The following GADD45GIP1 variants were observed in gnomAD, a reference collection of about 807,000 sequenced individuals.
GADD45GIP1 encodes large ribosomal subunit protein mL64.
A neutral mutation model predicts 22.1 loss-of-function variants in GADD45GIP1; 17 were observed. That is an observed-to-expected ratio of 0.77 (90% CI 0.53 to 1.15). GADD45GIP1 has a LOEUF of 1.15. Ranked by LOEUF, GADD45GIP1 falls within the 50% of genes most tolerant of loss-of-function variation. The pLI, the probability that GADD45GIP1 is intolerant of heterozygous loss-of-function variation, is 0.00. For missense variants in GADD45GIP1, 294 were observed against 314.0 expected (o/e 0.94, Z 0.48); for synonymous variants, 135 against 138.4 (o/e 0.98, Z 0.17).
Position 12,954,075 on chromosome 19 carries a change from C to T in GADD45GIP1, c.*133G>A, listed in dbSNP as rs189060406. ...AGTCCCTGTCCCCTTTTGAGTACAG[C>T]CAAGTGGGGGATTCCCCAGCTCTTA... On this transcript the variant is annotated 3_prime_UTR_variant, in exon 2 of 2. Transcript: ENST00000316939. 1.1e-5 allele frequency: 9 copies of T among 802,624 alleles called. No individual in the cohort carries two copies. In the East Asian group the frequency reaches 2.2e-4, roughly 20 times the overall value. The allele number at this position is 802,624 out of a possible 1,614,324, so 49.7% of individuals were successfully genotyped here.
chr19:12,953,917 T>G lies in GADD45GIP1; in HGVS notation c.*291A>C. ...ACTTCCCCCCCCACCAGCCTTGTAA[T>G]TGGCTAATTACTGGAGATGAATGTT... On this transcript the variant is annotated 3_prime_UTR_variant, in exon 2 of 2. Transcript: ENST00000316939. The G allele has an allele frequency of 2.9e-6, 1 of 344,314 alleles. No homozygotes were observed. 21.3% of individuals were successfully genotyped at this position (344,314 alleles called of 1,614,324 possible).
Position 12,953,170 on chromosome 19 carries a change from TAAAAA to T in GADD45GIP1, c.*1033_*1037del. On this transcript the variant is annotated 3_prime_UTR_variant, in exon 2 of 2. Coordinates refer to ENST00000316939, the MANE Select transcript of GADD45GIP1 (RefSeq NM_052850.4). ...AAATGGAAAAAAAAATCAAAAATCT[TAAAAA>T]AACAAGCAAACAGTCCAGCTTCCTG... The T allele has an allele frequency of 1.4e-6, 1 of 725,444 alleles. No homozygotes were observed. 44.9% of individuals were successfully genotyped at this position (725,444 alleles called of 1,614,324 possible).
At chr19:12,956,235 C>T (rs767555951) in intron 1 of GADD45GIP1, among the ~76,000 whole-genome samples, 1 of 152,246 alleles carries the variant, frequency 6.6e-6, no homozygotes, top group African/African-American at 2.4e-5. Context: ...TGTCAGCTGT[C>T]GCCATCTGAT....
rs770111509 is a variant in GADD45GIP1 at position 12,954,527 on chromosome 19, CT to C, written c.351-2del. The C allele has an allele frequency of 7.8e-5, 126 of 1,605,642 alleles. No individual in the cohort carries two copies. Among genetic ancestry groups the C allele is most frequent in the Non-Finnish European group, 1.0e-4 (121 of 1,174,436 alleles). On this transcript the variant is annotated splice_acceptor_variant, in intron 1 of 1. Coordinates refer to ENST00000316939, the MANE Select transcript of GADD45GIP1 (RefSeq NM_052850.4). LOFTEE classifies it high-confidence loss of function. Reference sequence around the variant, plus strand: ...CATGCACTCTGCGATGTGCTGCTCCCTGCAGGGGAGGGAGAGTGGGCTGTGA... The same window carrying C: ...CATGCACTCTGCGATGTGCTGCTCCCGCAGGGGAGGGAGAGTGGGCTGTGA...
At chr19:12,956,300 C>T (rs997204922) in intron 1 of GADD45GIP1, among the ~76,000 whole-genome samples, 1 of 152,220 alleles carries the variant, frequency 6.6e-6, no homozygotes, top group African/African-American at 2.4e-5. Flanking sequence ...GGATTACAGG[C>T]ACGAGCCACC....
chr19:12,955,456 G>C (rs529774555), intron 1 of GADD45GIP1, among the ~76,000 whole-genome samples: 1 of 152,202 alleles, frequency 6.6e-6, no homozygotes, highest in African/African-American at 2.4e-5. Flanking sequence ...TAAAATTAGG[G>C]CAATCCCTTC....
rs1971896712 is a variant in GADD45GIP1, at chr19:12,954,400, C to A, written c.477G>T (p.Glu159Asp). The change falls in exon 2 of 2, where the codon GAG becomes GAT. Residue 159 changes from glutamate to aspartate, a missense_variant. Physicochemically the swap from Glu to Asp is conservative, Grantham distance 45. Transcript: ENST00000316939. ...DKERRARLQA[E>D]AQELLGYQVD... is the part of the protein sequence containing the mutation. ...CCTGGTAGCCCAGGAGCTCCTGGGC[C>A]TCAGCCTGCAGTCGGGCCCTCCTCT... The A allele has an allele frequency of 1.2e-6, 2 of 1,614,086 alleles. No individual in the cohort carries two copies. Among genetic ancestry groups the A allele is most frequent in the African/African-American group, 1.3e-5 (1 of 74,938 alleles).
chr19:12,955,245 T>A (rs1028324155), intron 1 of GADD45GIP1, among the ~76,000 whole-genome samples: 2 of 152,140 alleles, frequency 1.3e-5, no homozygotes, highest in African/African-American at 4.8e-5. Context: ...AGCCTCCAGC[T>A]CCCGTCGTGT....
Position 12,957,125 on chromosome 19 carries a change from G to C in GADD45GIP1, c.88C>G (p.Pro30Ala). 4.9e-6 allele frequency: 7 copies of C among 1,417,482 alleles called. 1 individual carries two copies. The highest frequency in any genetic ancestry group is 6.4e-6 in the Non-Finnish European group (7 of 1,098,870). The allele number at this position is 1,417,482 out of a possible 1,614,324, so 87.8% of individuals were successfully genotyped here. The change falls in exon 1 of 2, where the codon CCC (proline) becomes GCC (alanine). Residue 30 changes from proline to alanine, a missense_variant. By Grantham distance (27) the Pro-to-Ala change is conservative (BLOSUM62 -1). Coordinates refer to ENST00000316939, the MANE Select transcript of GADD45GIP1 (RefSeq NM_052850.4). Reference protein sequence around the residue: ...PGSRGYRARPPPRRRPGPRWP... With the variant: ...PGSRGYRARPAPRRRPGPRWP... Reference sequence around the variant, plus strand: ...CGGGGTCCCGGCCTGCGGCGCGGGGGCGGCCGCGCCCGGTAGCCACGGGAA... The same window carrying C: ...CGGGGTCCCGGCCTGCGGCGCGGGGCCGGCCGCGCCCGGTAGCCACGGGAA...
Position 12,954,140 on chromosome 19 carries a change from C to T in GADD45GIP1, c.*68G>A. ...AACCAGGGGACCCAGAGAGGCACAC[C>T]TTGAGAGGACGCAGATCTCTTCAGG... On this transcript the variant is annotated 3_prime_UTR_variant, in exon 2 of 2. Transcript: ENST00000316939. The T allele has an allele frequency of 1.4e-6, 2 of 1,385,342 alleles. No individual in the cohort carries two copies. Among genetic ancestry groups the T allele is most frequent in the Admixed American group, 2.1e-5 (1 of 48,598 alleles). The allele number at this position is 1,385,342 out of a possible 1,614,324, so 85.8% of individuals were successfully genotyped here.
In GADD45GIP1 at chr19:12,954,191, T is replaced by C; in HGVS notation, c.*17A>G. On this transcript the variant is annotated 3_prime_UTR_variant, in exon 2 of 2. Coordinates refer to ENST00000316939, the MANE Select transcript of GADD45GIP1 (RefSeq NM_052850.4). The stretch of plus-strand genomic sequence containing the variant: ...GGTACTGCCAGGTAGCAGGCTTTAT[T>C]GGGAAGGGACAAAGCCTCAGGAGCT... 3 of 1,603,516 alleles carry C rather than the reference T, an allele frequency of 1.9e-6. No homozygotes were observed. Among genetic ancestry groups the C allele is most frequent in the Non-Finnish European group, 2.6e-6 (3 of 1,174,082 alleles).
At position 12,954,289 on chromosome 19, in the gene GADD45GIP1, T is replaced by G; in HGVS notation, c.588A>C (p.Lys196Asn). 1 of 1,614,052 alleles carries G rather than the reference T, an allele frequency of 6.2e-7. No individual in the cohort carries two copies. The highest frequency in any genetic ancestry group is 8.5e-7 in the Non-Finnish European group (1 of 1,180,008). The stretch of plus-strand genomic sequence containing the variant: ...CAGCAGCTCGCGCCTCCTTCTTCCG[T>G]TTCTGTTTTTCCTCCTTGAGGCGCT... Reference protein sequence around the residue: ...ERKRLKEEKQKRKKEARAAAL... With the variant: ...ERKRLKEEKQNRKKEARAAAL... Residue 196 changes from lysine (K) to asparagine (N), a missense_variant, in exon 2 of 2, where the codon AAA (lysine) becomes AAC (asparagine). By Grantham distance (94) the Lys-to-Asn change is moderately conservative. Coordinates refer to ENST00000316939, the MANE Select transcript of GADD45GIP1 (RefSeq NM_052850.4).
chr19:12,956,791 T>G, intron 1 of GADD45GIP1, 72 bp downstream of exon 1: 1 of 1,393,864 alleles, frequency 7.2e-7, no homozygotes. Context: ...CCCGAAGGGG[T>G]AGGCACGGTT....
chr19:12,956,054 T>A (rs1239709302), intron 1 of GADD45GIP1, among the ~76,000 whole-genome samples: 1 of 152,184 alleles, frequency 6.6e-6, no homozygotes, highest in Non-Finnish European at 1.5e-5. Flanking sequence ...TACCAGAAAC[T>A]TTCTACCCAA....
Position 12,956,040 on chromosome 19 carries a change from C to T in GADD45GIP1, c.350+823G>A, listed in dbSNP as rs79479884. ...CTCAGGGCATTTGCCCCAGCTGTTC[C>T]CTTTACCAGAAACTTTCTACCCAAG... On this transcript the variant is annotated intron_variant, in intron 1 of 1. Transcript: ENST00000316939. 2.8e-3 allele frequency among the ~76,000 whole-genome samples: 424 copies of T among 152,304 alleles called. 7 individuals are homozygous for T. Among genetic ancestry groups the T allele is most frequent in the African/African-American group, 1.0e-2 (415 of 41,554 alleles).
chr19:12,955,357 G>A (rs1369005399), intron 1 of GADD45GIP1, among the ~76,000 whole-genome samples: 2 of 152,102 alleles, frequency 1.3e-5, no homozygotes, highest in African/African-American at 2.4e-5. Context: ...GCTGAGGAGG[G>A]GCAGAAACAG....
chr19:12,955,717 C>A (rs1471636704), intron 1 of GADD45GIP1, among the ~76,000 whole-genome samples: 1 of 152,024 alleles, frequency 6.6e-6, no homozygotes, highest in Non-Finnish European at 1.5e-5. Context: ...AAAAATGAGC[C>A]GGGTGTGGTG....
intron 1 of GADD45GIP1, among the ~76,000 whole-genome samples, chr19:12,956,646 T>C (rs558873990): frequency 2.3e-4 from 35 of 152,012 alleles, no homozygotes; most frequent in African/African-American, 8.4e-4. Context: ...AGAGCGAGAC[T>C]CTTGTCTCCA....
rs1346349200 is a variant in GADD45GIP1 at position 12,957,185 on chromosome 19, T to G, written c.28A>C (p.Ser10Arg). MAASVRQARSLLGVAATLAP... is the reference protein window; with the variant it reads MAASVRQARRLLGVAATLAP... Reference sequence around the variant, plus strand: ...AGGGTCGCCGCCACACCTAGTAGGCTGCGTGCCTGTCGCACGGACGCCGCC... The same window carrying G: ...AGGGTCGCCGCCACACCTAGTAGGCGGCGTGCCTGTCGCACGGACGCCGCC... Residue 10 changes from serine (S) to arginine (R), a missense_variant, in exon 1 of 2, where the codon AGC (serine) becomes CGC (arginine). Ser to Arg is a moderately radical substitution (Grantham distance 110). Transcript: ENST00000316939. 1 of 1,405,550 alleles carries G rather than the reference T, an allele frequency of 7.1e-7. No homozygotes were observed. Among genetic ancestry groups the G allele is most frequent in the African/African-American group, 1.5e-5 (1 of 66,228 alleles). The allele number at this position is 1,405,550 out of a possible 1,614,324, so 87.1% of individuals were successfully genotyped here.
Sources: gnomAD v4.1 joint callset for allele counts (sites outside exome capture counted in the v4.1 genomes callset) on GRCh38, gnomAD v4.1.1 for gene constraint, MANE v1.5 for transcripts, NCBI Gene and HGNC (gene_info 2026-07-23, HGNC 2026-07-21) for gene names.